Variants in CERS4 observed in about 807,000 individuals in gnomAD.
CERS4 encodes LAG1 homolog, ceramide synthase 4.
A neutral mutation model predicts 51.8 loss-of-function variants in CERS4; 65 were observed. The observed-to-expected ratio is 1.26, with a 90% CI of 1.03 to 1.54. The LOEUF (loss-of-function observed/expected upper bound fraction) is 1.54. Among genes scored for constraint, CERS4 ranks in the 40% most tolerant of loss-of-function variants. CERS4 has a pLI of 0.00. For synonymous variants in CERS4, 228 were observed against 208.4 expected (o/e 1.09, Z -0.81); for missense variants, 563 against 500.4 (o/e 1.13, Z -1.19).
intron 6 of CERS4, 71 bp from the exon 7 acceptor site, chr19:8,256,163 CAA>C (rs941574830): frequency 7.4e-6 from 11 of 1,488,568 alleles, no homozygotes; most frequent in East Asian, 2.4e-5. Flanking sequence ...GAAGGAGAAC[CAA>C]AGAGACCGCA....
intron 2 of CERS4, among the ~76,000 whole-genome samples, chr19:8,216,001 C>T (rs552145990): frequency 3.5e-4 from 53 of 152,264 alleles, no homozygotes; most frequent in Admixed American, 3.4e-3. Flanking sequence ...CTGGCTCTTC[C>T]CCCTTTCTAG....
rs34774744 is a variant in CERS4, at chr19:8,232,889, A to AT, written c.-1-18161dup. Among the ~76,000 whole-genome samples the AT allele has an allele frequency of 2.8e-3, 168 of 59,224 alleles. 2 individuals carry two copies. Among genetic ancestry groups the AT allele is most frequent in the South Asian group, 3.5e-3 (6 of 1,722 alleles). 38.9% of individuals were successfully genotyped at this position (59,224 alleles called of 152,430 possible). A position where few individuals can be genotyped will look rare whatever the true frequency, so the allele number is the denominator to read the frequency against. ...AGGGAGACACCACCATGCCTCGCTG[A>AT]TTTTTTTTTTTTTTTTTTTTTTTTT... is the stretch of plus-strand genomic sequence containing the variant. On this transcript the variant is annotated intron_variant, in intron 2 of 11. Transcript: ENST00000251363.
chr19:8,213,051 T>C (rs1967144301), intron 2 of CERS4, among the ~76,000 whole-genome samples: 1 of 151,560 alleles, frequency 6.6e-6, no homozygotes, highest in African/African-American at 2.4e-5. Context: ...TTTTGTTTTG[T>C]TTTTTCAAGA....
intron 2 of CERS4, among the ~76,000 whole-genome samples, chr19:8,249,212 G>C (rs975684820): frequency 1.3e-5 from 2 of 149,370 alleles, no homozygotes; most frequent in African/African-American, 4.9e-5. Context: ...GACGATGGGT[G>C]GATGGATGAT....
At position 8,251,253 on chromosome 19, in the gene CERS4, A is replaced by T. The variant is rs1482163519; in HGVS notation, c.173+4A>T. On this transcript the variant is annotated splice_donor_region_variant and intron_variant, in intron 3 of 11. Transcript: ENST00000251363. ...CCATGCGCCTTGCCTTTGAGAGGTG[A>T]GTGTCTGCCCTGCCGCAATCCATTG... 3.1e-6 allele frequency: 5 copies of T among 1,593,850 alleles called. No individual in the cohort carries two copies. Among genetic ancestry groups the T allele is most frequent in the Non-Finnish European group, 4.3e-6 (5 of 1,170,374 alleles).
intron 2 of CERS4, among the ~76,000 whole-genome samples, chr19:8,220,552 G>A (rs1424420795): frequency 2.0e-5 from 3 of 152,132 alleles, no homozygotes; most frequent in Non-Finnish European, 4.4e-5. Context: ...TGATCTGCCC[G>A]CCTCGGCCTC....
Position 8,262,279 on chromosome 19 carries a change from C to A in CERS4, c.*170C>A. ...CAGCCCCTTCCTTCTGCCCACCCAC[C>A]CTTCTTCCCTCTGGGCAACTGGACA... On this transcript the variant is annotated 3_prime_UTR_variant, in exon 12 of 12. Coordinates refer to ENST00000251363, the MANE Select transcript of CERS4 (RefSeq NM_024552.3). 1 of 610,502 alleles carries A rather than the reference C, an allele frequency of 1.6e-6. No homozygotes were observed. Among genetic ancestry groups the A allele is most frequent in the Non-Finnish European group, 2.5e-6 (1 of 402,194 alleles). The allele number at this position is 610,502 out of a possible 1,614,324, so 37.8% of individuals were successfully genotyped here.
intron 2 of CERS4, among the ~76,000 whole-genome samples, chr19:8,217,536 TG>T (rs543330542): frequency 3.0e-4 from 45 of 149,020 alleles, no homozygotes; most frequent in South Asian, 6.4e-4. Flanking sequence ...ACCTGGCTAA[TG>T]TTTTTTTTTT....
At chr19:8,222,814 AG>A (rs1457369902) in intron 2 of CERS4, among the ~76,000 whole-genome samples, 3 of 152,140 alleles carry the variant, frequency 2.0e-5, no homozygotes, top group African/African-American at 7.2e-5. Context: ...AGCCTTTTGA[AG>A]GAGAGCAGTG....
chr19:8,233,406 A>G (rs1037768152), intron 2 of CERS4, among the ~76,000 whole-genome samples: 2 of 151,884 alleles, frequency 1.3e-5, no homozygotes, highest in Non-Finnish European at 2.9e-5. Context: ...ACCTCAGGTG[A>G]TCCGCCTGCC....
intron 2 of CERS4, chr19:8,250,786 T>A: frequency 5.3e-6 from 6 of 1,141,920 alleles, no homozygotes; most frequent in Non-Finnish European, 6.5e-6. Flanking sequence ...AACTTGAGGT[T>A]CAGAGAGGTC....
At position 8,262,065 on chromosome 19, in the gene CERS4, C is replaced by T. The variant is rs777261835; in HGVS notation, c.1141C>T (p.Arg381Trp). The T allele has an allele frequency of 7.6e-5, 116 of 1,526,444 alleles. No individual in the cohort carries two copies. The highest frequency in any genetic ancestry group is 8.8e-5 in the Non-Finnish European group (100 of 1,140,800). 94.6% of individuals were successfully genotyped at this position (1,526,444 alleles called of 1,614,324 possible). The change falls in exon 12 of 12, where the codon CGG becomes TGG. Residue 381 changes from arginine (R) to tryptophan (W), a missense_variant. By Grantham distance (101) the Arg-to-Trp change is moderately radical. Transcript: ENST00000251363. ...RPAPTDGPRSRVAGRLTNRHT... is the reference protein window; with the variant it reads ...RPAPTDGPRSWVAGRLTNRHT... ...AGCCCCCACTGATGGCCCTCGGAGC[C>T]GGGTGGCCGGGCGTCTGACCAACAG...
intron 2 of CERS4, among the ~76,000 whole-genome samples, chr19:8,248,556 G>A (rs1968890953): frequency 6.6e-6 from 1 of 151,714 alleles, no homozygotes; most frequent in Non-Finnish European, 1.5e-5. Context: ...GTGGACAGAT[G>A]TTTAGATGGG....
chr19:8,232,125 C>T (rs1012338956), intron 2 of CERS4, among the ~76,000 whole-genome samples: 14 of 151,810 alleles, frequency 9.2e-5, no homozygotes, highest in South Asian at 6.3e-4. Context: ...TTACGACACC[C>T]GGCCCTATCC....
intron 2 of CERS4, among the ~76,000 whole-genome samples, chr19:8,231,170 C>G (rs950429056): frequency 2.6e-5 from 4 of 152,152 alleles, no homozygotes; most frequent in South Asian, 2.1e-4. Context: ...TGGGTCACCT[C>G]AGAGCCAGTC....
intron 2 of CERS4, among the ~76,000 whole-genome samples, chr19:8,228,008 C>G (rs1227124249): frequency 2.0e-5 from 3 of 152,012 alleles, no homozygotes; most frequent in African/African-American, 4.8e-5. Flanking sequence ...ATTACAGGCG[C>G]CCGCCACCAC....
chr19:8,255,965 A>G (rs1354156621), intron 6 of CERS4, 86 bp downstream of exon 6: 1 of 1,420,838 alleles, frequency 7.0e-7, no homozygotes, highest in Admixed American at 1.7e-5. Flanking sequence ...GGAGTGGTGC[A>G]GCCAGAGAGG....
intron 2 of CERS4, among the ~76,000 whole-genome samples, chr19:8,243,454 C>G (rs1165162452): frequency 2.6e-5 from 4 of 152,074 alleles, no homozygotes. Flanking sequence ...GTCTGGGATG[C>G]CTGGGCCTCG....
intron 2 of CERS4, among the ~76,000 whole-genome samples, chr19:8,225,844 A>C (rs559262303): frequency 7.9e-6 from 1 of 127,320 alleles, no homozygotes; most frequent in African/African-American, 2.8e-5. Context: ...TTTGTCAGCT[A>C]TGTGACCCTG....
Sources: gnomAD v4.1 joint callset for allele counts (sites outside exome capture counted in the v4.1 genomes callset) on GRCh38, gnomAD v4.1.1 for gene constraint, MANE v1.5 for transcripts, NCBI Gene and HGNC (gene_info 2026-07-23, HGNC 2026-07-21) for gene names.